ARHGAP20: variants seen among roughly 807,000 people sequenced by gnomAD.
ARHGAP20 encodes the protein Rho GTPase activating protein 20.
ARHGAP20 carries 34 observed loss-of-function variants against 73.7 expected under a neutral mutation model. That is an observed-to-expected ratio of 0.46 (90% confidence interval 0.35 to 0.61). The LOEUF (loss-of-function observed/expected upper bound fraction) is 0.61. Ranked by LOEUF, ARHGAP20 falls within the 20% of genes least tolerant of loss-of-function variation. The pLI, the probability that ARHGAP20 is intolerant of heterozygous loss-of-function variation, is 0.00. For missense variants in ARHGAP20, 1,314 were observed against 1,420.9 expected, an observed-to-expected ratio of 0.92 and a Z score of 1.21; for synonymous variants, 523 against 518.2, an observed-to-expected ratio of 1.01 and a Z score of -0.13.
chr11:110,594,710 A>C (rs2134838024), intron 9 of ARHGAP20, among the ~76,000 whole-genome samples: 1 of 152,320 alleles, frequency 6.6e-6, no homozygotes, highest in Non-Finnish European at 1.5e-5. Context: ...TACCAGAGGT[A>C]CAAGGAGGAA....
At chr11:110,605,336 G>A (rs749603673) in intron 9 of ARHGAP20, among the ~76,000 whole-genome samples, 25 of 152,148 alleles carry the variant, frequency 1.6e-4, no homozygotes, top group Non-Finnish European at 3.2e-4. Context: ...CCAATAAAAT[G>A]TCAAAATCTT....
chr11:110,683,949 G>A (rs537230212), intron 2 of ARHGAP20, among the ~76,000 whole-genome samples: 12 of 152,132 alleles, frequency 7.9e-5, no homozygotes, highest in South Asian at 2.1e-4. Flanking sequence ...CCTTATAAAA[G>A]AAGTACAAGG....
At chr11:110,639,831 C>T (rs1489500499) in intron 2 of ARHGAP20, among the ~76,000 whole-genome samples, 1 of 152,050 alleles carries the variant, frequency 6.6e-6, no homozygotes, top group Non-Finnish European at 1.5e-5. Context: ...TTTATCCATT[C>T]ATTAACTGAT....
intron 2 of ARHGAP20, among the ~76,000 whole-genome samples, chr11:110,658,791 T>TTGTTTTGTTC (rs1299266472): frequency 6.6e-4 from 101 of 152,014 alleles, no homozygotes; most frequent in Non-Finnish European, 1.2e-3. Context: ...TTGTTTTGTT[T>TTGTTTTGTTC]TCATGTCTTC....
At position 110,581,263 on chromosome 11, in the gene ARHGAP20, T is replaced by TA; in HGVS notation, c.1721-39dup. On this transcript the variant is annotated intron_variant, in intron 14 of 14. Transcript: ENST00000683387. ...TTAAACCATGATTAACATATTTACT[T>TA]ACCACAAATATACTCATGCTTCCTT... 1.3e-6 allele frequency: 2 copies of TA among 1,557,298 alleles called. 1 individual carries two copies. Among genetic ancestry groups the TA allele is most frequent in the Non-Finnish European group, 1.7e-6 (2 of 1,150,640 alleles).
chr11:110,650,588 T>C (rs1949328129), intron 2 of ARHGAP20, among the ~76,000 whole-genome samples: 1 of 152,090 alleles, frequency 6.6e-6, no homozygotes, highest in African/African-American at 2.4e-5. Context: ...GTCTCACCTC[T>C]ACATCCACAC....
intron 2 of ARHGAP20, among the ~76,000 whole-genome samples, chr11:110,633,876 T>C (rs1368413000): frequency 6.6e-6 from 1 of 152,100 alleles, no homozygotes; most frequent in East Asian, 1.9e-4. Flanking sequence ...TTGGAAGAGA[T>C]GTCAGAAGCA....
chr11:110,652,207 C>G (rs1406958034), intron 2 of ARHGAP20, among the ~76,000 whole-genome samples: 2 of 152,048 alleles, frequency 1.3e-5, no homozygotes, highest in Non-Finnish European at 2.9e-5. Flanking sequence ...TAAAAACTCT[C>G]AAAAAATTAG....
rs1947324441 is a variant in ARHGAP20 at position 110,577,698 on chromosome 11, G to T, written c.*1672C>A. 15 of 985,656 alleles carry T rather than the reference G, an allele frequency of 1.5e-5. No individual in the cohort carries two copies. Among genetic ancestry groups the T allele is most frequent in the Non-Finnish European group, 1.8e-5 (15 of 829,884 alleles). 61.1% of individuals were successfully genotyped at this position (985,656 alleles called of 1,614,324 possible). ...CGACTTCACATCTGTGACTCAGATG[G>T]CCAGTGTCACGAAGTAGCTCTTTGG... On this transcript the variant is annotated 3_prime_UTR_variant, in exon 15 of 15. Transcript: ENST00000683387.
At position 110,578,083 on chromosome 11, in the gene ARHGAP20, C is replaced by T; in HGVS notation, c.*1287G>A. On this transcript the variant is annotated 3_prime_UTR_variant, in exon 15 of 15. Transcript: ENST00000683387. ...AGTGCCATCCCTGCATACTAGTTGG[C>T]AAGGCCTGATAATCTATTCCTAGGT... is the stretch of plus-strand genomic sequence containing the variant. 2 of 985,396 alleles carry T rather than the reference C, an allele frequency of 2.0e-6. No homozygotes were observed. The highest frequency in any genetic ancestry group is 2.4e-6 in the Non-Finnish European group (2 of 829,936). The allele number at this position is 985,396 out of a possible 1,614,324, so 61.0% of individuals were successfully genotyped here. A position where few individuals can be genotyped will look rare whatever the true frequency, so the allele number is the denominator to read the frequency against.
At chr11:110,642,499 G>T (rs1365725263) in intron 2 of ARHGAP20, among the ~76,000 whole-genome samples, 1 of 152,072 alleles carries the variant, frequency 6.6e-6, no homozygotes, top group Non-Finnish European at 1.5e-5. Flanking sequence ...ATCAGGAAGG[G>T]ATGTTGGGTT....
intron 11 of ARHGAP20, among the ~76,000 whole-genome samples, chr11:110,588,116 A>T (rs1223018618): frequency 1.3e-5 from 2 of 152,214 alleles, no homozygotes; most frequent in African/African-American, 4.8e-5. Flanking sequence ...AACTCGTAAC[A>T]TCTCAATGAA....
At chr11:110,590,884 G>T in intron 10 of ARHGAP20, 75 bp from the exon 11 acceptor site, 1 of 1,439,394 alleles carries the variant, frequency 6.9e-7, no homozygotes, top group Non-Finnish European at 9.3e-7. Context: ...GCCCTCTTTG[G>T]ATGCCAGAGG....
intron 2 of ARHGAP20, among the ~76,000 whole-genome samples, chr11:110,676,861 A>T (rs976212326): frequency 6.6e-6 from 1 of 152,168 alleles, no homozygotes; most frequent in Non-Finnish European, 1.5e-5. Context: ...TTTATGGTGT[A>T]TAACATGATA....
At chr11:110,630,056 T>C (rs548279056) in intron 3 of ARHGAP20, among the ~76,000 whole-genome samples, 2 of 152,218 alleles carry the variant, frequency 1.3e-5, no homozygotes, top group Non-Finnish European at 2.9e-5. Context: ...TAATTCATCT[T>C]ACTCTCCTTG....
intron 1 of ARHGAP20, among the ~76,000 whole-genome samples, chr11:110,698,440 G>A (rs768865956): frequency 1.3e-4 from 19 of 151,782 alleles, no homozygotes; most frequent in Non-Finnish European, 2.4e-4. Context: ...TTCATAGAAC[G>A]AGTTAGGAAA....
At chr11:110,684,508 G>A (rs1950095138) in intron 2 of ARHGAP20, among the ~76,000 whole-genome samples, 1 of 151,950 alleles carries the variant, frequency 6.6e-6, no homozygotes, top group South Asian at 2.1e-4. Flanking sequence ...AAAATAGTAT[G>A]GCAAATTTTC....
At chr11:110,608,137 C>T (rs1948277933) in intron 8 of ARHGAP20, among the ~76,000 whole-genome samples, 1 of 152,070 alleles carries the variant, frequency 6.6e-6, no homozygotes, top group African/African-American at 2.4e-5. Flanking sequence ...ACCTCATAGA[C>T]AAATGAAAGA....
At chr11:110,622,954 A>G (rs1948660821) in intron 4 of ARHGAP20, among the ~76,000 whole-genome samples, 1 of 152,200 alleles carries the variant, frequency 6.6e-6, no homozygotes, top group Non-Finnish European at 1.5e-5. Context: ...AAGAAGTTTC[A>G]TGAAAATTCC....
Sources: gnomAD v4.1 joint callset for allele counts (sites outside exome capture counted in the v4.1 genomes callset) on GRCh38, gnomAD v4.1.1 for gene constraint, MANE v1.5 for transcripts, NCBI Gene and HGNC (gene_info 2026-07-23, HGNC 2026-07-21) for gene names.